The following ULBP3 variants were observed in gnomAD, a reference collection of about 807,000 sequenced individuals.
The protein encoded by ULBP3 is UL16-binding protein 3.
ULBP3 carries 25 observed loss-of-function variants against 24.9 expected under a neutral mutation model. The ratio of observed to expected loss-of-function variants is 1.00; its 90% CI spans 0.73 to 1.40. The LOEUF is 1.40. ULBP3 is among the 40% of genes most tolerant of loss of function. The pLI, the probability that ULBP3 is intolerant of heterozygous loss-of-function variation, is 0.00. For synonymous variants in ULBP3, 114 were observed against 114.7 expected (o/e 0.99, Z 0.04); for missense variants, 306 against 307.5 (o/e 1.00, Z 0.04).
In ULBP3 at chr6:150,062,472, T is replaced by G. The variant is rs554964226; in HGVS notation, c.*902A>C. Among the ~76,000 whole-genome samples the G allele has an allele frequency of 6.6e-6, 1 of 152,016 alleles. No individual in the cohort carries two copies. The highest frequency in any genetic ancestry group is 6.5e-5 in the Admixed American group (1 of 15,292). ...CTAGAGGCTGAGTCTAGAGGATCAC[T>G]TGAGCCCAGGAGTTGGAGATTACAG... On this transcript the variant is annotated 3_prime_UTR_variant, in exon 5 of 5. Transcript: ENST00000367339.
At chr6:150,065,740 A>G in intron 2 of ULBP3, 67 bp from the exon 3 acceptor site, 9 of 1,593,952 alleles carry the variant, frequency 5.6e-6, no homozygotes, top group Non-Finnish European at 7.7e-6. Context: ...ACATCCTCCT[A>G]TGCTGAGACC....
chr6:150,069,095 G>A lies in ULBP3; in HGVS notation c.-29C>T. 2 of 1,602,704 alleles carry A rather than the reference G, an allele frequency of 1.2e-6. No individual in the cohort carries two copies. Among genetic ancestry groups the A allele is most frequent in the Non-Finnish European group, 1.7e-6 (2 of 1,174,666 alleles). On this transcript the variant is annotated 5_prime_UTR_variant, in exon 1 of 5. Transcript: ENST00000367339. ...AGACCAGGAGCGCCCGGGACACAAGGCGCAGTCGATGTGGAGACCAGCGTA... is the reference window on the plus strand; with the variant it reads ...AGACCAGGAGCGCCCGGGACACAAGACGCAGTCGATGTGGAGACCAGCGTA...
At position 150,064,762 on chromosome 6, in the gene ULBP3, G is replaced by A. The variant is rs372428432; in HGVS notation, c.629-49C>T. 7.6e-6 allele frequency: 12 copies of A among 1,587,210 alleles called. No homozygotes were observed. In the African/African-American group the frequency reaches 1.5e-4, roughly 20 times the overall value. On this transcript the variant is annotated intron_variant, in intron 3 of 4. Coordinates refer to ENST00000367339, the MANE Select transcript of ULBP3 (RefSeq NM_024518.3). ...CAACTCTTGTCCACGCTCCAAATCT[G>A]AGGAGATGGCTCCTTAGCTCCTGCT... is the stretch of plus-strand genomic sequence containing the variant.
In ULBP3 at chr6:150,066,107, T is replaced by C. The variant is rs373075336; in HGVS notation, c.144A>G (p.Gln48=). ...FTIIHLPRHG[Q]QWCEVQSQVD... ...CCTGGCTCTGGACCTCACACCACTG[T>C]TGCCCATGTCTGGGCAAATGAATGA... The change falls in exon 2 of 5, where the codon CAA becomes CAG. Residue 48 remains glutamine (Q), a synonymous_variant. Transcript: ENST00000367339. The C allele has an allele frequency of 1.2e-5, 19 of 1,614,046 alleles. No homozygotes were observed. Among genetic ancestry groups the C allele is most frequent in the Non-Finnish European group, 1.6e-5 (19 of 1,180,052 alleles).
intron 4 of ULBP3, among the ~76,000 whole-genome samples, chr6:150,063,724 CCTT>C (rs1439992739): frequency 1.3e-5 from 2 of 152,218 alleles, no homozygotes; most frequent in Non-Finnish European, 2.9e-5. Flanking sequence ...TGTAGGCAAA[CCTT>C]CTTTCTCCTT....
chr6:150,067,077 G>C (rs916432748), intron 1 of ULBP3, among the ~76,000 whole-genome samples: 2 of 152,108 alleles, frequency 1.3e-5, no homozygotes, highest in African/African-American at 4.8e-5. Flanking sequence ...AGAACAAAAG[G>C]GTCCAAGATC....
chr6:150,063,488 C>G (rs1776301118), intron 4 of ULBP3, 137 bp from the exon 5 acceptor site: 1 of 346,476 alleles, frequency 2.9e-6, no homozygotes, highest in Non-Finnish European at 4.1e-6. Context: ...CCAACCCTAC[C>G]CCTGGCTGTG....
chr6:150,067,054 G>A (rs1776357501), intron 1 of ULBP3, among the ~76,000 whole-genome samples: 3 of 152,142 alleles, frequency 2.0e-5, no homozygotes, highest in Admixed American at 2.0e-4. Flanking sequence ...ACAAAGCTAT[G>A]CCCATGGCTC....
At position 150,062,912 on chromosome 6, in the gene ULBP3, C is replaced by T. The variant is rs1776290678; in HGVS notation, c.*462G>A. ...GGTCAGGAGATCGAGACCATCCTGG[C>T]TAACAAGGTGAAACCCTGTCTCTAC... On this transcript the variant is annotated 3_prime_UTR_variant, in exon 5 of 5. Coordinates refer to ENST00000367339, the MANE Select transcript of ULBP3 (RefSeq NM_024518.3). Among the ~76,000 whole-genome samples, 1 of 151,566 alleles carries T rather than the reference C, an allele frequency of 6.6e-6. No individual in the cohort carries two copies.
At chr6:150,066,787 A>T (rs1776353847) in intron 1 of ULBP3, among the ~76,000 whole-genome samples, 1 of 151,894 alleles carries the variant, frequency 6.6e-6, no homozygotes, top group South Asian at 2.1e-4. Context: ...AGCCTGGAAG[A>T]CTCCTGTTTA....
Position 150,065,474 on chromosome 6 carries a change from C to T in ULBP3, c.552G>A (p.Lys184=). Residue 184 remains lysine (K), a synonymous_variant, in exon 3 of 5, where the codon AAG becomes AAA. Transcript: ENST00000367339. The stretch of plus-strand genomic sequence containing the variant: ...TCTTGCAGTCTCTCATTGAGACCAT[C>T]TTGAAGAAGGTGGTCAGTCCGCTAT... The part of the protein sequence containing the change: ...EKDSGLTTFF[K]MVSMRDCKSW... 6.2e-7 allele frequency: 1 copy of T among 1,614,204 alleles called. No individual in the cohort carries two copies. Among genetic ancestry groups the T allele is most frequent in the Middle Eastern group, 1.6e-4 (1 of 6,062 alleles).
rs567785785 is a variant in ULBP3 at position 150,061,071 on chromosome 6, T to G, written c.*2303A>C. Among the ~76,000 whole-genome samples the G allele has an allele frequency of 2.0e-5, 3 of 151,704 alleles. No homozygotes were observed. In the East Asian group the frequency reaches 5.8e-4, roughly 29 times the overall value. On this transcript the variant is annotated 3_prime_UTR_variant, in exon 5 of 5. Coordinates refer to ENST00000367339, the MANE Select transcript of ULBP3 (RefSeq NM_024518.3). ...TCTTGTATAATTTCATTATGCAGTGTTTAATTTTAGGGTTTGGCACTTTCA... is the reference window on the plus strand; with the variant it reads ...TCTTGTATAATTTCATTATGCAGTGGTTAATTTTAGGGTTTGGCACTTTCA...
At position 150,066,266 on chromosome 6, in the gene ULBP3, T is replaced by C. The variant is rs900779375; in HGVS notation, c.89-104A>G. 6 of 1,308,440 alleles carry C rather than the reference T, an allele frequency of 4.6e-6. No homozygotes were observed. In the African/African-American group the frequency reaches 5.9e-5, roughly 13 times the overall value. The allele number at this position is 1,308,440 out of a possible 1,614,324, so 81.1% of individuals were successfully genotyped here. ...CCTGAAGGGCTGGGCTGGCAGAGCA[T>C]GGATTTCTCTTCCTGGACGGTGGTC... On this transcript the variant is annotated intron_variant, in intron 1 of 4. Transcript: ENST00000367339.
chr6:150,065,023 A>G (rs1284545301), intron 3 of ULBP3, among the ~76,000 whole-genome samples: 1 of 152,090 alleles, frequency 6.6e-6, no homozygotes, highest in African/African-American at 2.4e-5. Context: ...GGTGGTTTTG[A>G]TGGATTTCCA....
At chr6:150,068,745 C>A (rs1180146965) in intron 1 of ULBP3, among the ~76,000 whole-genome samples, 2 of 152,238 alleles carry the variant, frequency 1.3e-5, no homozygotes, top group African/African-American at 4.8e-5. Context: ...GCCCCTCCAC[C>A]CTCCTGCGGT....
At chr6:150,067,084 G>T (rs1184690164) in intron 1 of ULBP3, among the ~76,000 whole-genome samples, 1 of 152,132 alleles carries the variant, frequency 6.6e-6, no homozygotes, top group African/African-American at 2.4e-5. Flanking sequence ...AAGGGTCCAA[G>T]ATCCAAAAGA....
At position 150,061,623 on chromosome 6, in the gene ULBP3, T is replaced by TA; in HGVS notation, c.*1750dup. ...TGGCTGCATAGATTTCCATGGTGTTTATGTACCACATTTTTTTCATTCAAT... is the reference window on the plus strand; with the variant it reads ...TGGCTGCATAGATTTCCATGGTGTTTAATGTACCACATTTTTTTCATTCAAT... On this transcript the variant is annotated 3_prime_UTR_variant, in exon 5 of 5. Coordinates refer to ENST00000367339, the MANE Select transcript of ULBP3 (RefSeq NM_024518.3). 6.6e-6 allele frequency among the ~76,000 whole-genome samples: 1 copy of TA among 152,378 alleles called. No individual in the cohort carries two copies. The highest frequency in any genetic ancestry group is 1.9e-4 in the East Asian group (1 of 5,192).
chr6:150,064,054 G>A (rs1230443359), intron 4 of ULBP3, among the ~76,000 whole-genome samples: 1 of 152,202 alleles, frequency 6.6e-6, no homozygotes, highest in Non-Finnish European at 1.5e-5. Flanking sequence ...TAACTGCTGG[G>A]ACTCAAGGTG....
intron 1 of ULBP3, among the ~76,000 whole-genome samples, chr6:150,067,385 T>C (rs1776362643): frequency 6.6e-6 from 1 of 152,080 alleles, no homozygotes; most frequent in Admixed American, 6.5e-5. Context: ...AAACAGCAAA[T>C]ACTCAGACAC....
Sources: allele counts gnomAD v4.1 joint callset (sites outside exome capture counted in the v4.1 genomes callset), GRCh38; gene constraint gnomAD v4.1.1; transcripts MANE v1.5; gene names NCBI Gene and HGNC (gene_info 2026-07-23, HGNC 2026-07-21).